The following CACNB4 variants were observed in gnomAD, a reference collection of about 807,000 sequenced individuals.
CACNB4 encodes voltage-dependent L-type calcium channel subunit beta-4.
A neutral mutation model predicts 71.2 loss-of-function variants in CACNB4; 32 were observed. That is an observed-to-expected ratio of 0.45 (90% CI 0.34 to 0.60). The LOEUF (loss-of-function observed/expected upper bound fraction) is 0.60. Ranked by LOEUF, CACNB4 falls within the 20% of genes least tolerant of loss-of-function variation. The pLI is 0.01. For missense variants in CACNB4, 464 were observed against 647.9 expected, an observed-to-expected ratio of 0.72 and a Z score of 3.08; for synonymous variants, 231 against 236.9, an observed-to-expected ratio of 0.97 and a Z score of 0.23.
chr2:151,853,408 CT>C, intron 12 of CACNB4, 39 bp downstream of exon 12: 1 of 1,213,280 alleles, frequency 8.2e-7, no homozygotes, highest in Non-Finnish European at 1.2e-6. Flanking sequence ...CCTCTTCTAA[CT>C]AGTCAAGAAT....
chr2:151,933,329 A>G (rs2099862089), intron 2 of CACNB4, among the ~76,000 whole-genome samples: 1 of 151,934 alleles, frequency 6.6e-6, no homozygotes, highest in African/African-American at 2.4e-5. Flanking sequence ...TGTTCTGTGG[A>G]CACATGCCAT....
intron 2 of CACNB4, among the ~76,000 whole-genome samples, chr2:151,921,116 A>G (rs970164265): frequency 1.3e-5 from 2 of 151,540 alleles, no homozygotes; most frequent in African/African-American, 4.9e-5. Context: ...CAGCCTGAGC[A>G]ACAGAGCAAG....
chr2:152,027,000 G>A (rs1684016187), intron 2 of CACNB4, among the ~76,000 whole-genome samples: 1 of 151,836 alleles, frequency 6.6e-6, no homozygotes, highest in African/African-American at 2.4e-5. Context: ...TCCACCTCCT[G>A]GGTTCAAGCG....
chr2:151,887,941 T>C (rs937859022), intron 2 of CACNB4, among the ~76,000 whole-genome samples: 1 of 152,172 alleles, frequency 6.6e-6, no homozygotes, highest in Non-Finnish European at 1.5e-5. Flanking sequence ...GATTTATATA[T>C]TGTTCTTTTT....
chr2:152,099,098 C>T (rs1688452793), upstream of CACNB4: 5 of 821,380 alleles, frequency 6.1e-6, no homozygotes, highest in South Asian at 3.8e-5. Context: ...AGGGGGAGGG[C>T]GCAGGACTTC....
chr2:151,999,282 C>T (rs1029036278), intron 2 of CACNB4, among the ~76,000 whole-genome samples: 13 of 152,068 alleles, frequency 8.5e-5, no homozygotes, highest in African/African-American at 2.9e-4. Context: ...TTTTAAAATC[C>T]AGTCCCCAGT....
chr2:151,898,082 G>A (rs2099852523), intron 2 of CACNB4, among the ~76,000 whole-genome samples: 1 of 152,216 alleles, frequency 6.6e-6, no homozygotes, highest in African/African-American at 2.4e-5. Flanking sequence ...TAGGAATCAT[G>A]TTGGTTGTAT....
intron 2 of CACNB4, among the ~76,000 whole-genome samples, chr2:151,886,341 T>C (rs1327355955): frequency 6.6e-6 from 1 of 152,202 alleles, no homozygotes; most frequent in Non-Finnish European, 1.5e-5. Context: ...AAAAGCAAGC[T>C]GCCTGCTGAG....
Position 151,876,485 on chromosome 2 carries a change from T to C in CACNB4, c.462A>G (p.Pro154=). The part of the protein sequence containing the change: ...EGCEIGFIPS[P]LRLENIRIQQ... ...GGATCCGTATGTTCTCCAATCTGAG[T>C]GGACTTGGAATGAAGCCAATTTCAC... Residue 154 remains proline, a synonymous_variant, in exon 5 of 14, where the codon CCA becomes CCG. Coordinates refer to ENST00000539935, the MANE Select transcript of CACNB4 (RefSeq NM_000726.5). 1 of 1,606,910 alleles carries C rather than the reference T, an allele frequency of 6.2e-7. No homozygotes were observed. The highest frequency in any genetic ancestry group is 8.5e-7 in the Non-Finnish European group (1 of 1,175,046).
rs1173524101 is a variant in CACNB4, at chr2:151,853,436, G to A, written c.1116+12C>T. On this transcript the variant is annotated intron_variant, in intron 12 of 13. Coordinates refer to ENST00000539935, the MANE Select transcript of CACNB4 (RefSeq NM_000726.5). ...GTCAAGAATGATGAAGACAAAAAATGATCATACTTACTGGGGGGCATTGTG... is the reference window on the plus strand; with the variant it reads ...GTCAAGAATGATGAAGACAAAAAATAATCATACTTACTGGGGGGCATTGTG... The A allele has an allele frequency of 6.5e-6, 10 of 1,533,808 alleles. No individual in the cohort carries two copies. Among genetic ancestry groups the A allele is most frequent in the Non-Finnish European group, 8.9e-6 (10 of 1,124,842 alleles).
chr2:151,902,339 T>A (rs377656110), intron 2 of CACNB4, among the ~76,000 whole-genome samples: 1 of 152,122 alleles, frequency 6.6e-6, no homozygotes, highest in East Asian at 1.9e-4. Flanking sequence ...ACTTCACCCA[T>A]CTTTTGATGG....
At chr2:152,026,867 C>A (rs1202521175) in intron 2 of CACNB4, among the ~76,000 whole-genome samples, 1 of 151,942 alleles carries the variant, frequency 6.6e-6, no homozygotes. Flanking sequence ...GAATCTTGGG[C>A]TCATCTAACT....
intron 2 of CACNB4, among the ~76,000 whole-genome samples, chr2:151,901,965 C>G (rs2099853545): frequency 6.6e-6 from 1 of 151,644 alleles, no homozygotes. Flanking sequence ...GAAGGACAGT[C>G]CTTGTGAGAA....
chr2:152,003,494 C>T (rs938056281), intron 2 of CACNB4, among the ~76,000 whole-genome samples: 16 of 151,948 alleles, frequency 1.1e-4, no homozygotes, highest in African/African-American at 3.9e-4. Context: ...TACACAGCCC[C>T]ATTTTTCAAA....
intron 2 of CACNB4, among the ~76,000 whole-genome samples, chr2:151,910,095 T>C (rs1358648983): frequency 1.3e-5 from 2 of 152,258 alleles, no homozygotes; most frequent in African/African-American, 4.8e-5. Context: ...TGAGATGGTA[T>C]CTCACTGTGG....
intron 2 of CACNB4, among the ~76,000 whole-genome samples, chr2:151,939,030 A>G (rs2099863609): frequency 6.6e-6 from 1 of 152,222 alleles, no homozygotes; most frequent in Admixed American, 6.5e-5. Flanking sequence ...ATGAGAATCA[A>G]AAAAAGCTAG....
intron 2 of CACNB4, among the ~76,000 whole-genome samples, chr2:151,908,814 G>A (rs2099855438): frequency 2.0e-5 from 3 of 152,080 alleles, no homozygotes; most frequent in African/African-American, 7.2e-5. Context: ...ATCAGGCACA[G>A]GACTAGGTTT....
chr2:151,944,426 CTT>C (rs2099865072), intron 2 of CACNB4, among the ~76,000 whole-genome samples: 1 of 152,034 alleles, frequency 6.6e-6, no homozygotes, highest in African/African-American at 2.4e-5. Flanking sequence ...AAAAATTAGT[CTT>C]GAGTTATTTG....
At chr2:151,962,047 C>T (rs1010170877) in intron 2 of CACNB4, among the ~76,000 whole-genome samples, 20 of 152,236 alleles carry the variant, frequency 1.3e-4, no homozygotes, top group Admixed American at 9.8e-4. Context: ...CATGGCTAAC[C>T]GGTAAGCTCT....
Sources: allele counts gnomAD v4.1 joint callset (sites outside exome capture counted in the v4.1 genomes callset), GRCh38; gene constraint gnomAD v4.1.1; transcripts MANE v1.5; gene names NCBI Gene and HGNC (gene_info 2026-07-23, HGNC 2026-07-21).